Variants in TTN observed in about 807,000 individuals in gnomAD.
The protein encoded by TTN is titin.
In TTN, 1,525 loss-of-function variants were observed where a neutral mutation model predicts 3,223.0. The ratio of observed to expected loss-of-function variants is 0.47; its 90% confidence interval spans 0.45 to 0.49. The LOEUF is 0.49. Among genes scored for constraint, TTN ranks in the 20% least tolerant of loss-of-function variants. The pLI, the probability that TTN is intolerant of heterozygous loss-of-function variation, is 0.00. For missense variants in TTN, 40,786 were observed against 43,424.0 expected, an observed-to-expected ratio of 0.94 and a Z score of 5.40; for synonymous variants, 14,094 against 15,161.0, an observed-to-expected ratio of 0.93 and a Z score of 5.17.
Position 178,557,114 on chromosome 2 carries a change from A to G in TTN, c.88040T>C (p.Ile29347Thr), listed in dbSNP as rs1200964659. ...EPPRNVRITDISKNSVSLSWQ... is the reference protein window; with the variant it reads ...EPPRNVRITDTSKNSVSLSWQ... The stretch of plus-strand genomic sequence containing the variant: ...TGAAAGGCTGACAGAGTTCTTTGAA[A>G]TATCAGTGATACGAACATTTCTTGG... Residue 29347 changes from isoleucine (I) to threonine (T), a missense_variant, in exon 330 of 363, where the codon ATT becomes ACT. Ile to Thr is a moderately conservative substitution (Grantham distance 89, BLOSUM62 -1). Transcript: ENST00000589042. The G allele has an allele frequency of 2.5e-6, 4 of 1,613,558 alleles. No individual in the cohort carries two copies. Among genetic ancestry groups the G allele is most frequent in the East Asian group, 2.2e-5 (1 of 44,778 alleles).
Position 178,563,578 on chromosome 2 carries a change from C to T in TTN, c.82554G>A (p.Lys27518=). The T allele has an allele frequency of 6.2e-7, 1 of 1,613,778 alleles. No homozygotes were observed. The highest frequency in any genetic ancestry group is 8.5e-7 in the Non-Finnish European group (1 of 1,179,764). Residue 27518 remains lysine, a synonymous_variant, in exon 326 of 363, where the codon AAG becomes AAA. Transcript: ENST00000589042. The surrounding 1 kb of genome is among the most constrained non-coding windows in gnomAD (Gnocchi z 4.5). ...GATCCGTTAATGTTTTCTTGTTGCA[C>T]TTGGTCCATCTAACGCCTTCCTTAT... The part of the protein sequence containing the change: ...KRDKEGVRWT[K]CNKKTLTDLR...
At chr2:178,802,843 C>CAG (rs2094135863) in intron 2 of TTN, among the ~76,000 whole-genome samples, 1 of 152,226 alleles carries the variant, frequency 6.6e-6, no homozygotes, top group Non-Finnish European at 1.5e-5. Context: ...TACAGGGACA[C>CAG]TGTCTTCTTG....
rs77968867 is a variant in TTN, at chr2:178,549,089, A to G, written c.92537T>C (p.Val30846Ala). 4.6e-4 allele frequency: 740 copies of G among 1,613,776 alleles called. 3 individuals carry two copies. The African/African-American group carries it at 9.2e-3, about 20-fold the overall frequency. The change falls in exon 339 of 363, where the codon GTG (valine) becomes GCG (alanine). Residue 30846 changes from valine (V) to alanine (A), a missense_variant. By Grantham distance (64) the Val-to-Ala change is moderately conservative (BLOSUM62 0). Coordinates refer to ENST00000589042, the MANE Select transcript of TTN (RefSeq NM_001267550.2). ...TTVSLEWSKP[V>A]FDGGMEIIGY... ...AATTATTTCCATGCCACCATCAAACACTGGTTTGGACCATTCTAAGCTCAC... is the reference window on the plus strand; with the variant it reads ...AATTATTTCCATGCCACCATCAAACGCTGGTTTGGACCATTCTAAGCTCAC...
At position 178,709,641 on chromosome 2, in the gene TTN, C is replaced by G. The variant is rs771843862; in HGVS notation, c.28678G>C (p.Asp9560His). 3 of 1,613,800 alleles carry G rather than the reference C, an allele frequency of 1.9e-6. No individual in the cohort carries two copies. In the African/African-American group the frequency reaches 4.0e-5, roughly 22 times the overall value. The change falls in exon 99 of 363, where the codon GAC becomes CAC. Residue 9560 changes from aspartate to histidine, a missense_variant. By Grantham distance (81) the Asp-to-His change is moderately conservative. Transcript: ENST00000589042. ...ACTTTGCATGTGTACAAACCAGCGT[C>G]GTTCATGCCTGCTTTCCTGACTTGC... ...VLQVRKAGMNDAGLYTCKVSN... is the reference protein window; with the variant it reads ...VLQVRKAGMNHAGLYTCKVSN...
chr2:178,590,545 T>C lies in TTN; in HGVS notation c.61180A>G (p.Lys20394Glu), dbSNP rs1488885188. Residue 20394 changes from lysine to glutamate, a missense_variant, in exon 304 of 363, where the codon AAG becomes GAG. Transcript: ENST00000589042. ...SRETADLVWT[K>E]PLSDGGSPIL... Reference sequence around the variant, plus strand: ...GGGCTACCACCATCACTGAGAGGCTTTGTCCACACCAAATCAGCTGTTTCT... The same window carrying C: ...GGGCTACCACCATCACTGAGAGGCTCTGTCCACACCAAATCAGCTGTTTCT... 1.9e-6 allele frequency: 3 copies of C among 1,612,862 alleles called. No individual in the cohort carries two copies. Among genetic ancestry groups the C allele is most frequent in the African/African-American group, 2.7e-5 (2 of 74,988 alleles).
rs953469998 is a variant in TTN at position 178,624,514 on chromosome 2, G to A, written c.44766C>T (p.Tyr14922=). The change falls in exon 242 of 363, where the codon TAC becomes TAT. Residue 14922 remains tyrosine (Y), a synonymous_variant. Transcript: ENST00000589042. ...HDCTPEDIKT[Y]TCDAKDFKTS... ...TCTTAAAATCCTTAGCATCACAAGT[G>A]TATGTTTTAATATCCTCTGGGGTAC... 4.3e-6 allele frequency: 7 copies of A among 1,612,590 alleles called. No homozygotes were observed. The African/African-American group carries it at 6.7e-5, about 15-fold the overall frequency.
chr2:178,664,975 A>G (rs571350263), intron 165 of TTN, 49 bp from the exon 166 acceptor site: 2 of 1,549,652 alleles, frequency 1.3e-6, no homozygotes, highest in African/African-American at 2.7e-5. Flanking sequence ...TGATTAATGG[A>G]AAACAGTAAC....
intron 288 of TTN, chr2:178,600,600 G>GGT (rs2053115224): frequency 2.0e-6 from 1 of 500,628 alleles, no homozygotes. Flanking sequence ...AAATAAAACA[G>GGT]ACTGCGAGGA....
chr2:178,667,755 G>A, intron 159 of TTN, 34 bp from the exon 160 acceptor site: 2 of 1,398,816 alleles, frequency 1.4e-6, no homozygotes, highest in Non-Finnish European at 2.0e-6. Flanking sequence ...TAATTAGGAT[G>A]TTTCAAGGTG....
chr2:178,670,891 A>G lies in TTN; in HGVS notation c.35308+199T>C, dbSNP rs1052047155. ...GATATTTGCTTTGGTTGTTTTAGGTATAACAACAGTGACTGTCTTTTTTTG... is the reference window on the plus strand; with the variant it reads ...GATATTTGCTTTGGTTGTTTTAGGTGTAACAACAGTGACTGTCTTTTTTTG... On this transcript the variant is annotated intron_variant, in intron 156 of 362. Transcript: ENST00000589042. Among the ~76,000 whole-genome samples the G allele has an allele frequency of 2.6e-5, 4 of 151,956 alleles. No homozygotes were observed. The South Asian group carries it at 8.3e-4, about 31-fold the overall frequency.
In TTN at chr2:178,739,124, T is replaced by C; in HGVS notation, c.14092+17A>G. On this transcript the variant is annotated intron_variant, in intron 48 of 362. Coordinates refer to ENST00000589042, the MANE Select transcript of TTN (RefSeq NM_001267550.2). ...GTGAATGTTAGCATTTGATCTATTT[T>C]ATCCTTAAAATCCAACCTCTTTTTA... 1 of 1,502,744 alleles carries C rather than the reference T, an allele frequency of 6.7e-7. No homozygotes were observed. Among genetic ancestry groups the C allele is most frequent in the Non-Finnish European group, 8.9e-7 (1 of 1,127,342 alleles). 93.1% of individuals were successfully genotyped at this position (1,502,744 alleles called of 1,614,324 possible). A position where few individuals can be genotyped will look rare whatever the true frequency, so the allele number is the denominator to read the frequency against.
At chr2:178,700,650 A>G (rs943750683) in intron 111 of TTN, among the ~76,000 whole-genome samples, 6 of 152,210 alleles carry the variant, frequency 3.9e-5, no homozygotes, top group Admixed American at 6.5e-5. Flanking sequence ...AAGAAGTCAA[A>G]TATTTCATAA....
At position 178,530,023 on chromosome 2, in the gene TTN, A is replaced by G. The variant is rs199663911; in HGVS notation, c.106468T>C (p.Tyr35490His). Residue 35490 changes from tyrosine to histidine, a missense_variant, in exon 359 of 363, where the codon TAT becomes CAT. By Grantham distance (83) the Tyr-to-His change is moderately conservative. Transcript: ENST00000589042. ...HKTDTSDSGL[Y>H]TCTVKNSAGS... The stretch of plus-strand genomic sequence containing the variant: ...GCTGAATTTTTTACTGTACAAGTAT[A>G]AAGTCCACTGTCAGAAGTATCAGTC... The G allele has an allele frequency of 7.0e-5, 113 of 1,609,952 alleles. No individual in the cohort carries two copies. The highest frequency in any genetic ancestry group is 2.0e-5 in the Non-Finnish European group (23 of 1,178,960).
chr2:178,550,934 T>TA (rs780921623), intron 336 of TTN, 33 bp downstream of exon 336: 16 of 1,598,932 alleles, frequency 1.0e-5, no homozygotes, highest in African/African-American at 2.7e-5. Context: ...TGAATGCTCT[T>TA]AGTCTCATTG....
Position 178,757,395 on chromosome 2 carries a change from T to C in TTN, c.10678+147A>G, listed in dbSNP as rs566951947. On this transcript the variant is annotated intron_variant, in intron 45 of 362. Transcript: ENST00000589042. ...GTAGGTTAACCCATAATTGAGGACC[T>C]AGCGGGAGTTATTGCATGTTATTTT... The C allele has an allele frequency of 1.8e-3, 1,829 of 1,021,470 alleles. 24 individuals are homozygous for C. The South Asian group carries it at 0.02, about 11-fold the overall frequency. The allele number at this position is 1,021,470 out of a possible 1,614,324, so 63.3% of individuals were successfully genotyped here.
In TTN at chr2:178,569,138, A is replaced by T; in HGVS notation, c.76994T>A (p.Leu25665His). 6.2e-7 allele frequency: 1 copy of T among 1,613,438 alleles called. No homozygotes were observed. The highest frequency in any genetic ancestry group is 8.5e-7 in the Non-Finnish European group (1 of 1,179,556). ...AAAGTAATAACTGCAACCTTCTTGG[A>T]GCTGATCGATTTTCCAAGAATTCTT... The part of the protein sequence containing the change: ...CHKNSWKIDQ[L>H]QEGCSYYFRV... Residue 25665 changes from leucine (L) to histidine (H), a missense_variant, in exon 326 of 363, where the codon CTC becomes CAC. Physicochemically the swap from Leu to His is moderately conservative, Grantham distance 99 (BLOSUM62 -3). Transcript: ENST00000589042.
intron 288 of TTN, among the ~76,000 whole-genome samples, chr2:178,600,257 C>T (rs898750880): frequency 6.6e-6 from 1 of 151,708 alleles, no homozygotes; most frequent in African/African-American, 2.4e-5. Flanking sequence ...AGAAATATAA[C>T]TGTTAATAAA....
chr2:178,670,133 G>T, intron 157 of TTN, 85 bp downstream of exon 157: 1 of 797,260 alleles, frequency 1.3e-6, no homozygotes, highest in Non-Finnish European at 1.8e-6. Flanking sequence ...CCATCTTGTG[G>T]CATTGAGAAG....
In TTN at chr2:178,565,722, G is replaced by T; in HGVS notation, c.80410C>A (p.Pro26804Thr). 6.2e-7 allele frequency: 1 copy of T among 1,613,536 alleles called. No homozygotes were observed. Among genetic ancestry groups the T allele is most frequent in the Non-Finnish European group, 8.5e-7 (1 of 1,179,634 alleles). ...ACTCTGCTACCGCCATCATGTTCAG[G>T]TTTCTCCCACATAAGTGATGCACTG... ...QTSASLMWEK[P>T]EHDGGSRVLG... The change falls in exon 326 of 363, where the codon CCT (proline) becomes ACT (threonine). Residue 26804 changes from proline to threonine, a missense_variant. Pro to Thr is a conservative substitution (Grantham distance 38). Coordinates refer to ENST00000589042, the MANE Select transcript of TTN (RefSeq NM_001267550.2).
Sources: allele counts gnomAD v4.1 joint callset (sites outside exome capture counted in the v4.1 genomes callset), GRCh38; gene constraint gnomAD v4.1.1; non-coding constraint Gnocchi (gnomAD v3.1); transcripts MANE v1.5; gene names NCBI Gene and HGNC (gene_info 2026-07-23, HGNC 2026-07-21).